CEP135: variants seen among roughly 807,000 people sequenced by gnomAD.
CEP135 encodes centrosomal protein of 135 kDa.
In CEP135, 142 loss-of-function variants were observed where a neutral mutation model predicts 157.3. The observed-to-expected ratio is 0.90, with a 90% confidence interval of 0.79 to 1.04. CEP135 has a LOEUF of 1.04. Ranked by LOEUF, CEP135 falls within the 50% of genes least tolerant of loss-of-function variation. CEP135 has a pLI of 0.00. For synonymous variants in CEP135, 396 were observed against 439.8 expected, an observed-to-expected ratio of 0.90 and a Z score of 1.25; for missense variants, 1,317 against 1,309.2, an observed-to-expected ratio of 1.01 and a Z score of -0.09.
chr4:56,000,460 T>C (rs777803360), intron 17 of CEP135, among the ~76,000 whole-genome samples: 16 of 152,326 alleles, frequency 1.1e-4, no homozygotes, highest in Admixed American at 3.3e-4. Context: ...TGTATATTTG[T>C]GCCCATTAAT....
rs904193875 is a variant in CEP135 at position 56,010,971 on chromosome 4, C to T, written c.2506-441C>T. Among the ~76,000 whole-genome samples the T allele has an allele frequency of 3.1e-4, 47 of 152,006 alleles. 1 individual carries two copies. Among genetic ancestry groups the T allele is most frequent in the African/African-American group, 1.0e-3 (42 of 41,372 alleles). On this transcript the variant is annotated intron_variant, in intron 19 of 25. Transcript: ENST00000257287. ...GTATCAGACCAGGCGTGGTAGCTCA[C>T]GCCTATAATCCCAGCACTTTCGGAG...
intron 8 of CEP135, among the ~76,000 whole-genome samples, 185 bp from the exon 9 acceptor site, chr4:55,968,878 G>T (rs183175479): frequency 1.3e-5 from 2 of 152,056 alleles, no homozygotes; most frequent in African/African-American, 4.8e-5. Flanking sequence ...GTAAACATTC[G>T]GGATACCAAA....
chr4:55,969,999 G>A (rs897047185), intron 9 of CEP135, among the ~76,000 whole-genome samples: 8 of 150,834 alleles, frequency 5.3e-5, no homozygotes, highest in Non-Finnish European at 8.8e-5. Context: ...TCAGCCTTCT[G>A]TGTGGTTAAG....
intron 10 of CEP135, among the ~76,000 whole-genome samples, chr4:55,971,826 A>G (rs1729035932): frequency 6.6e-6 from 1 of 152,202 alleles, no homozygotes; most frequent in Admixed American, 6.5e-5. Context: ...TACAGGTACC[A>G]GTTCTAAATG....
At chr4:56,010,236 G>A (rs1459102343) in intron 19 of CEP135, among the ~76,000 whole-genome samples, 1 of 142,634 alleles carries the variant, frequency 7.0e-6, no homozygotes, top group South Asian at 2.2e-4. Flanking sequence ...GGCGGCATGC[G>A]CCTGTAATCC....
intron 24 of CEP135, among the ~76,000 whole-genome samples, chr4:56,023,373 A>G (rs1266975126): frequency 6.6e-6 from 1 of 152,108 alleles, no homozygotes; most frequent in East Asian, 1.9e-4. Context: ...GGTGGTTAGT[A>G]GAACCAAATC....
At chr4:55,958,431 T>A (rs1294878815) in intron 5 of CEP135, among the ~76,000 whole-genome samples, 1 of 152,166 alleles carries the variant, frequency 6.6e-6, no homozygotes, top group African/African-American at 2.4e-5. Context: ...CAAGACCCTT[T>A]GAGCTACTGA....
intron 21 of CEP135, among the ~76,000 whole-genome samples, chr4:56,012,921 T>A (rs1730636179): frequency 6.6e-6 from 1 of 152,220 alleles, no homozygotes; most frequent in Non-Finnish European, 1.5e-5. Context: ...GAAGTGGAAT[T>A]ACTGGATCAT....
At chr4:55,991,235 C>T (rs1729780663) in intron 14 of CEP135, among the ~76,000 whole-genome samples, 1 of 151,952 alleles carries the variant, frequency 6.6e-6, no homozygotes, top group African/African-American at 2.4e-5. Flanking sequence ...CGTGGCCTCC[C>T]ATATAATAAC....
intron 6 of CEP135, among the ~76,000 whole-genome samples, chr4:55,963,158 A>G (rs1728736762): frequency 6.6e-6 from 1 of 152,130 alleles, no homozygotes; most frequent in African/African-American, 2.4e-5. Context: ...AGTGCTTCTT[A>G]AACTTATTTC....
At chr4:55,969,880 T>A (rs1445898901) in intron 9 of CEP135, among the ~76,000 whole-genome samples, 1 of 152,134 alleles carries the variant, frequency 6.6e-6, no homozygotes, top group Non-Finnish European at 1.5e-5. Context: ...TATTTATTTA[T>A]TTATTTTTTG....
intron 23 of CEP135, among the ~76,000 whole-genome samples, chr4:56,020,008 C>T (rs1185206560): frequency 1.3e-5 from 2 of 152,212 alleles, no homozygotes; most frequent in East Asian, 1.9e-4. Context: ...GGAGAAACAT[C>T]GTGTTGGGAG....
chr4:55,981,387 G>A lies in CEP135; in HGVS notation c.1779+8G>A. 6.4e-7 allele frequency: 1 copy of A among 1,560,690 alleles called. No individual in the cohort carries two copies. Among genetic ancestry groups the A allele is most frequent in the Admixed American group, 2.2e-5 (1 of 45,244 alleles). The stretch of plus-strand genomic sequence containing the variant: ...TTAAGAGAAAAATTAGAGGTAAGAA[G>A]ATTGACATGTTTTTGAAAGGTAATT... On this transcript the variant is annotated splice_region_variant and intron_variant, in intron 13 of 25. Transcript: ENST00000257287.
Position 55,954,272 on chromosome 4 carries a change from A to T in CEP135, c.361A>T (p.Asn121Tyr). 1 of 1,607,356 alleles carries T rather than the reference A, an allele frequency of 6.2e-7. No homozygotes were observed. The highest frequency in any genetic ancestry group is 8.5e-7 in the Non-Finnish European group (1 of 1,177,254). The stretch of plus-strand genomic sequence containing the variant: ...TGAAACAGCTGATCTGAAATTTCTG[A>T]ATAACCAATATGCTCATAAACTCAA... The part of the protein sequence containing the change: ...ARETADLKFL[N>Y]NQYAHKLKLL... The change falls in exon 4 of 26, where the codon AAT (asparagine) becomes TAT (tyrosine). Residue 121 changes from asparagine (N) to tyrosine (Y), a missense_variant. Transcript: ENST00000257287.
chr4:55,970,773 C>T (rs962396501), intron 9 of CEP135, among the ~76,000 whole-genome samples: 4 of 151,978 alleles, frequency 2.6e-5, no homozygotes, highest in South Asian at 2.1e-4. Context: ...AAGTACTTAC[C>T]GTGGTGGACA....
chr4:55,959,432 G>A (rs1728608168), intron 5 of CEP135, among the ~76,000 whole-genome samples: 1 of 152,156 alleles, frequency 6.6e-6, no homozygotes, highest in Non-Finnish European at 1.5e-5. Context: ...AAATGCAATA[G>A]TGAGGTGTTT....
chr4:56,027,394 A>C (rs992704728), intron 25 of CEP135, among the ~76,000 whole-genome samples: 5 of 152,240 alleles, frequency 3.3e-5, no homozygotes, highest in African/African-American at 9.6e-5. Context: ...GCTTTACTAC[A>C]GTGGCAGAGT....
chr4:55,981,802 T>G (rs41280345), intron 13 of CEP135, among the ~76,000 whole-genome samples: 3,716 of 152,298 alleles, frequency 0.024, 67 homozygotes, highest in Admixed American at 0.06. Flanking sequence ...GCATAGATGC[T>G]CTTTGACTTA....
chr4:56,015,648 C>T (rs1730746590), intron 21 of CEP135, among the ~76,000 whole-genome samples: 1 of 152,204 alleles, frequency 6.6e-6, no homozygotes, highest in Non-Finnish European at 1.5e-5. Context: ...TATTTTCTCC[C>T]TTTTACAGTG....
Sources: gnomAD v4.1 joint callset for allele counts (sites outside exome capture counted in the v4.1 genomes callset) on GRCh38, gnomAD v4.1.1 for gene constraint, MANE v1.5 for transcripts, NCBI Gene and HGNC (gene_info 2026-07-23, HGNC 2026-07-21) for gene names.